The following ZNF608 variants were observed in gnomAD, a reference collection of about 807,000 sequenced individuals.
ZNF608 encodes the protein renal carcinoma antigen NY-REN-36.
ZNF608 carries 12 observed loss-of-function variants against 109.0 expected under a neutral mutation model. The ratio of observed to expected loss-of-function variants is 0.11; its 90% confidence interval spans 0.07 to 0.18. The LOEUF (loss-of-function observed/expected upper bound fraction) is 0.18, where lower values mean the gene tolerates loss of function less well. Ranked by LOEUF, ZNF608 falls within the 10% of genes least tolerant of loss-of-function variation. ZNF608 has a pLI of 1.00. For synonymous variants in ZNF608, 732 were observed against 717.4 expected (o/e 1.02, Z -0.33); for missense variants, 1,707 against 1,879.3 (o/e 0.91, Z 1.70).
Position 124,649,035 on chromosome 5 carries a change from C to T in ZNF608, c.1349G>A (p.Ser450Asn). 1 of 1,614,168 alleles carries T rather than the reference C, an allele frequency of 6.2e-7. No homozygotes were observed. The highest frequency in any genetic ancestry group is 8.5e-7 in the Non-Finnish European group (1 of 1,180,014). ...CTGCAGCCCTCTGGACTCTGTGAAG[C>T]TGGCCTCGGAGCCCGGGGCAGCAGC... is the stretch of plus-strand genomic sequence containing the variant. ...SAAAAPGSEA[S>N]FTESRGLQNK... is the part of the protein sequence containing the mutation. Residue 450 changes from serine (S) to asparagine (N), a missense_variant, in exon 5 of 10, where the codon AGC (serine) becomes AAC (asparagine). Physicochemically the swap from Ser to Asn is conservative, Grantham distance 46 (BLOSUM62 1). Around this residue, in one of 7 missense-constraint regions of ZNF608, gnomAD observed 166 missense variants for 204.2 expected, o/e 0.81. Coordinates refer to ENST00000513986, the MANE Select transcript of ZNF608 (RefSeq NM_020747.3).
At chr5:124,646,605 G>A (rs1261556034) in intron 5 of ZNF608, 74 bp downstream of exon 5, 5 of 1,510,578 alleles carry the variant, frequency 3.3e-6, no homozygotes, top group Non-Finnish European at 4.4e-6. Context: ...AGTCTAACCA[G>A]ATCAAGCCCA....
At chr5:124,664,957 C>G (rs1751415264) in intron 3 of ZNF608, among the ~76,000 whole-genome samples, 1 of 151,966 alleles carries the variant, frequency 6.6e-6, no homozygotes, top group Admixed American at 6.6e-5. Flanking sequence ...GGATGGATCA[C>G]GAGGTCAGGA....
At chr5:124,668,879 GT>G (rs1751595065) in intron 3 of ZNF608, among the ~76,000 whole-genome samples, 1 of 152,174 alleles carries the variant, frequency 6.6e-6, no homozygotes, top group African/African-American at 2.4e-5. Flanking sequence ...AAGTCCTTCA[GT>G]TGGTGACACA....
At chr5:124,675,050 C>G (rs1186349927) in intron 3 of ZNF608, among the ~76,000 whole-genome samples, 1 of 152,076 alleles carries the variant, frequency 6.6e-6, no homozygotes, top group African/African-American at 2.4e-5. Flanking sequence ...CTATGTTTGC[C>G]AAATACAACA....
At chr5:124,697,205 G>A (rs1338419111) in intron 3 of ZNF608, among the ~76,000 whole-genome samples, 1 of 130,670 alleles carries the variant, frequency 7.7e-6, no homozygotes, top group African/African-American at 3.0e-5. Flanking sequence ...GCTAAACCAA[G>A]TATGTTCTCA....
At chr5:124,644,701 T>G (rs756630763) in intron 5 of ZNF608, 40 bp from the exon 6 acceptor site, 1 of 1,501,804 alleles carries the variant, frequency 6.7e-7, no homozygotes, top group East Asian at 2.3e-5. Flanking sequence ...CCAACAGATT[T>G]GTTTTAAAAT....
intron 3 of ZNF608, among the ~76,000 whole-genome samples, chr5:124,693,972 A>ATTTTTTTTTT (rs1561564262): frequency 3.4e-4 from 8 of 23,298 alleles, no homozygotes; most frequent in Admixed American, 9.0e-4. Context: ...CATTTCATTA[A>ATTTTTTTTTT]TCTTTTTTTT....
At chr5:124,688,905 T>A (rs995829610) in intron 3 of ZNF608, among the ~76,000 whole-genome samples, 7 of 152,206 alleles carry the variant, frequency 4.6e-5, no homozygotes, top group African/African-American at 1.7e-4. Flanking sequence ...TATTTAAAAG[T>A]GTATCTACCT....
chr5:124,660,888 G>A (rs972203327), intron 3 of ZNF608, among the ~76,000 whole-genome samples: 2 of 152,128 alleles, frequency 1.3e-5, no homozygotes, highest in African/African-American at 4.8e-5. Flanking sequence ...AAATGCAGCT[G>A]GCAGCAAGCC....
At chr5:124,729,444 G>C (rs1192957867) in intron 2 of ZNF608, among the ~76,000 whole-genome samples, 1 of 152,180 alleles carries the variant, frequency 6.6e-6, no homozygotes, top group Non-Finnish European at 1.5e-5. Flanking sequence ...TATCACACTG[G>C]AGCGGAAACC....
chr5:124,744,246 G>T lies in ZNF608; in HGVS notation c.744C>A (p.Ser248Arg), dbSNP rs778894889. Residue 248 changes from serine to arginine, a missense_variant, in exon 2 of 10, where the codon AGC becomes AGA. Around this residue, in one of 7 missense-constraint regions of ZNF608, gnomAD observed 407 missense variants for 398.7 expected, o/e 1.02. Transcript: ENST00000513986. This position sits in a 1 kb window ranked among gnomAD's most constrained non-coding sequence, Gnocchi z 4.5. ...FGAKSNGGGA[S>R]PFHCGGTGSG... is the part of the protein sequence containing the mutation. ...TCCCAGTGCCCCCGCAGTGGAAGGGGCTCGCGCCACCTCCATTGCTCTTGG... is the reference window on the plus strand; with the variant it reads ...TCCCAGTGCCCCCGCAGTGGAAGGGTCTCGCGCCACCTCCATTGCTCTTGG... 7 of 1,613,468 alleles carry T rather than the reference G, an allele frequency of 4.3e-6. No individual in the cohort carries two copies. The highest frequency in any genetic ancestry group is 5.9e-6 in the Non-Finnish European group (7 of 1,179,860).
intron 9 of ZNF608, chr5:124,638,887 C>T: frequency 2.0e-6 from 2 of 978,558 alleles, no homozygotes; most frequent in South Asian, 2.1e-5. Flanking sequence ...TAAGGATAAC[C>T]CAAGAAAATT....
At position 124,644,496 on chromosome 5, in the gene ZNF608, T is replaced by C. The variant is rs1436782027; in HGVS notation, c.3871A>G (p.Ile1291Val). 1.2e-5 allele frequency: 20 copies of C among 1,614,062 alleles called. No homozygotes were observed. The highest frequency in any genetic ancestry group is 5.0e-5 in the Admixed American group (3 of 60,004). Residue 1291 changes from isoleucine to valine, a missense_variant, in exon 6 of 10, where the codon ATT (isoleucine) becomes GTT (valine). Around this residue, in one of 7 missense-constraint regions of ZNF608, gnomAD observed 1,073 missense variants for 1,133.5 expected, o/e 0.95. Coordinates refer to ENST00000513986, the MANE Select transcript of ZNF608 (RefSeq NM_020747.3). ...TTGGCCTCTTTGGGCTCCTCTTTAA[T>C]GCTTGTTAACGATACAGGAAGGCTG... Reference protein sequence around the residue: ...VPSLPVSLTSIKEEPKEAKHP... With the variant: ...VPSLPVSLTSVKEEPKEAKHP...
intron 2 of ZNF608, among the ~76,000 whole-genome samples, chr5:124,705,578 T>C (rs1396059891): frequency 2.0e-5 from 3 of 152,196 alleles, no homozygotes; most frequent in Non-Finnish European, 4.4e-5. Context: ...AAGCTCCTTT[T>C]TATATCCTAC....
intron 3 of ZNF608, among the ~76,000 whole-genome samples, chr5:124,669,658 A>AACACACACACACACACAAAC (rs1751634108): frequency 1.3e-5 from 2 of 148,156 alleles, no homozygotes; most frequent in Admixed American, 6.7e-5. Flanking sequence ...AACACACACA[A>AACACACACACACACACAAAC]ACACACACAC....
At chr5:124,656,183 G>A (rs1750997720) in intron 3 of ZNF608, among the ~76,000 whole-genome samples, 1 of 152,146 alleles carries the variant, frequency 6.6e-6, no homozygotes, top group Non-Finnish European at 1.5e-5. Context: ...TATGGCAATG[G>A]AGCTTGGGAG....
At chr5:124,690,241 T>G (rs535138346) in intron 3 of ZNF608, among the ~76,000 whole-genome samples, 1 of 152,218 alleles carries the variant, frequency 6.6e-6, no homozygotes, top group South Asian at 2.1e-4. Flanking sequence ...GATGAGTAAG[T>G]GGAGCACAGA....
chr5:124,679,977 A>C (rs984529493), intron 3 of ZNF608, among the ~76,000 whole-genome samples: 5 of 152,210 alleles, frequency 3.3e-5, no homozygotes, highest in African/African-American at 1.2e-4. Flanking sequence ...CATGTTGATA[A>C]GTAAAGATAA....
chr5:124,662,549 C>A (rs1355907586), intron 3 of ZNF608, among the ~76,000 whole-genome samples: 1 of 152,184 alleles, frequency 6.6e-6, no homozygotes, highest in Non-Finnish European at 1.5e-5. Context: ...TCGCATTATT[C>A]TCTTATTCTC....
Sources: gnomAD v4.1 joint callset for allele counts (sites outside exome capture counted in the v4.1 genomes callset) on GRCh38, gnomAD v4.1.1 for gene constraint, gnomAD v4.1.1 regional missense constraint, Gnocchi (gnomAD v3.1) non-coding constraint, MANE v1.5 for transcripts, NCBI Gene and HGNC (gene_info 2026-07-23, HGNC 2026-07-21) for gene names.